The following RARB variants were observed in gnomAD, a reference collection of about 807,000 sequenced individuals.
RARB encodes HBV-activated protein.
RARB carries 17 observed loss-of-function variants against 51.9 expected under a neutral mutation model. The observed-to-expected ratio is 0.33, with a 90% CI of 0.22 to 0.49. The LOEUF (loss-of-function observed/expected upper bound fraction) is 0.49. Among genes scored for constraint, RARB ranks in the 20% least tolerant of loss-of-function variants. The pLI, the probability that RARB is intolerant of heterozygous loss-of-function variation, is 0.99. For missense variants in RARB, 369 were observed against 550.8 expected, an observed-to-expected ratio of 0.67 and a Z score of 3.30; for synonymous variants, 215 against 195.4, an observed-to-expected ratio of 1.10 and a Z score of -0.84.
intron 2 of RARB, among the ~76,000 whole-genome samples, chr3:24,884,510 A>G (rs1703233692): frequency 2.0e-5 from 3 of 152,174 alleles, no homozygotes; most frequent in Admixed American, 6.5e-5. Flanking sequence ...CCCAAGGATT[A>G]TCTCTAGAGA....
At chr3:25,440,584 A>G (rs978013287) in intron 1 of RARB, among the ~76,000 whole-genome samples, 3 of 152,148 alleles carry the variant, frequency 2.0e-5, no homozygotes, top group Non-Finnish European at 4.4e-5. Context: ...CAGACTGGTC[A>G]ATGTGGTGAA....
At chr3:24,900,391 C>T (rs575130972) in intron 2 of RARB, among the ~76,000 whole-genome samples, 5 of 152,342 alleles carry the variant, frequency 3.3e-5, no homozygotes, top group East Asian at 1.9e-4. Flanking sequence ...TATGACCTCA[C>T]TTGGCCTTTT....
chr3:25,513,047 T>A (rs1385411978), intron 3 of RARB, among the ~76,000 whole-genome samples: 1 of 150,294 alleles, frequency 6.7e-6, no homozygotes, highest in African/African-American at 2.5e-5. Context: ...CCCAGCACTT[T>A]GGGAGGTGGA....
intron 3 of RARB, among the ~76,000 whole-genome samples, chr3:25,540,471 A>G (rs1254916594): frequency 6.6e-6 from 1 of 152,192 alleles, no homozygotes; most frequent in Non-Finnish European, 1.5e-5. Context: ...CCCTGGATAG[A>G]CACTTTGTTA....
rs571740169 is a variant in RARB, at chr3:25,084,889, T to C, written c.-328+24713T>C. 5.9e-5 allele frequency among the ~76,000 whole-genome samples: 9 copies of C among 152,272 alleles called. No homozygotes were observed. The East Asian group carries it at 1.7e-3, about 29-fold the overall frequency. ...AGAATTTACCAGCTTGTATAAACCC[T>C]ACCATAAACTGATTTATTCCCTTAA... On this transcript the variant is annotated intron_variant, in intron 3 of 11. Transcript: ENST00000383772.
chr3:24,866,431 T>C (rs183871123), intron 2 of RARB, among the ~76,000 whole-genome samples: 1 of 152,266 alleles, frequency 6.6e-6, no homozygotes, highest in African/African-American at 2.4e-5. Context: ...TAATGACCCG[T>C]TGTAACACAA....
chr3:25,379,304 G>T (rs1242946961), intron 5 of RARB, among the ~76,000 whole-genome samples: 1 of 152,108 alleles, frequency 6.6e-6, no homozygotes, highest in Non-Finnish European at 1.5e-5. Flanking sequence ...AGAGTAGGAG[G>T]TGAGGAGTCC....
intron 5 of RARB, among the ~76,000 whole-genome samples, chr3:25,194,891 T>C (rs1444018021): frequency 1.3e-5 from 2 of 151,948 alleles, no homozygotes; most frequent in Non-Finnish European, 2.9e-5. Flanking sequence ...TTCTCTTCTT[T>C]TCCTGGCTCT....
At chr3:24,881,405 AG>A (rs1211672325) in intron 2 of RARB, among the ~76,000 whole-genome samples, 1 of 152,020 alleles carries the variant, frequency 6.6e-6, no homozygotes, top group East Asian at 1.9e-4. Flanking sequence ...TCTGGTACAT[AG>A]GACTTGAGAA....
chr3:25,173,761 C>T (rs1250810930), intron 4 of RARB, among the ~76,000 whole-genome samples: 3 of 152,172 alleles, frequency 2.0e-5, no homozygotes, highest in Admixed American at 6.5e-5. Flanking sequence ...AACACTCTGC[C>T]CTCCTGGTGA....
chr3:25,499,540 C>T (rs959432756), intron 2 of RARB, among the ~76,000 whole-genome samples: 2 of 152,226 alleles, frequency 1.3e-5, no homozygotes, highest in Non-Finnish European at 2.9e-5. Context: ...GGGACCCTTT[C>T]TTCTGGAGCC....
chr3:25,065,801 G>C (rs1698649234), intron 3 of RARB, among the ~76,000 whole-genome samples: 2 of 152,212 alleles, frequency 1.3e-5, no homozygotes, highest in South Asian at 4.1e-4. Context: ...ATAGAAGGAA[G>C]GCAATGGTGG....
At chr3:25,383,381 T>C (rs1706688039) in intron 5 of RARB, among the ~76,000 whole-genome samples, 1 of 152,204 alleles carries the variant, frequency 6.6e-6, no homozygotes, top group Non-Finnish European at 1.5e-5. Flanking sequence ...TTTCTGAACC[T>C]AAGAAATGAA....
At chr3:25,372,287 A>G (rs1706324953) in intron 5 of RARB, among the ~76,000 whole-genome samples, 1 of 152,182 alleles carries the variant, frequency 6.6e-6, no homozygotes, top group Non-Finnish European at 1.5e-5. Flanking sequence ...ATATTTAGCA[A>G]CATCCCCGGA....
intron 5 of RARB, among the ~76,000 whole-genome samples, chr3:25,236,710 CTG>C (rs1317808173): frequency 6.6e-6 from 1 of 151,982 alleles, no homozygotes; most frequent in African/African-American, 2.4e-5. Flanking sequence ...TGTATGTCTG[CTG>C]CTGTTTATTT....
intron 2 of RARB, among the ~76,000 whole-genome samples, chr3:25,034,178 C>T (rs746442405): frequency 7.9e-5 from 12 of 152,106 alleles, no homozygotes; most frequent in East Asian, 1.9e-4. Context: ...GATGTGGTGG[C>T]GTATGCCTGT....
At chr3:25,096,835 C>A (rs2125319368) in intron 3 of RARB, among the ~76,000 whole-genome samples, 1 of 152,200 alleles carries the variant, frequency 6.6e-6, no homozygotes, top group South Asian at 2.1e-4. Context: ...GAATAGGTGC[C>A]ACAATAAGAA....
chr3:25,165,242 C>T (rs553624672), intron 4 of RARB, among the ~76,000 whole-genome samples: 4 of 152,270 alleles, frequency 2.6e-5, no homozygotes, highest in African/African-American at 9.6e-5. Flanking sequence ...CTGTTTCTAT[C>T]AGTACATTGC....
chr3:25,521,930 G>A (rs1040714791), intron 3 of RARB, among the ~76,000 whole-genome samples: 4 of 152,036 alleles, frequency 2.6e-5, no homozygotes, highest in African/African-American at 9.7e-5. Flanking sequence ...ATACAGTAGA[G>A]AGAGAGCTGT....
Sources: gnomAD v4.1 joint callset for allele counts (sites outside exome capture counted in the v4.1 genomes callset) on GRCh38, gnomAD v4.1.1 for gene constraint, MANE v1.5 for transcripts, NCBI Gene and HGNC (gene_info 2026-07-23, HGNC 2026-07-21) for gene names.